Variants in HECTD4 observed in about 807,000 individuals in gnomAD.
HECTD4 encodes probable E3 ubiquitin-protein ligase HECTD4.
Under a neutral mutation model 471.5 loss-of-function variants are expected in HECTD4, and 114 were observed. That is an observed-to-expected ratio of 0.24 (90% CI 0.21 to 0.28). The LOEUF is 0.28. Ranked by LOEUF, HECTD4 falls within the 10% of genes least tolerant of loss-of-function variation. HECTD4 has a pLI of 1.00. For synonymous variants in HECTD4, 2,012 were observed against 2,256.0 expected (o/e 0.89, Z 3.07); for missense variants, 3,866 against 5,651.5 (o/e 0.68, Z 10.13).
In HECTD4 at chr12:112,306,182, A is replaced by G. The variant is rs1378742152; in HGVS notation, c.1217T>C (p.Met406Thr). 6.2e-7 allele frequency: 1 copy of G among 1,604,092 alleles called. No homozygotes were observed. Among genetic ancestry groups the G allele is most frequent in the African/African-American group, 1.3e-5 (1 of 74,740 alleles). The change falls in exon 7 of 76, where the codon ATG (methionine) becomes ACG (threonine). Residue 406 changes from methionine (M) to threonine (T), a missense_variant. By Grantham distance (81) the Met-to-Thr change is moderately conservative (BLOSUM62 -1). This residue lies in a region of HECTD4 where 440 missense variants were observed against 636.0 expected (regional missense o/e 0.69). Coordinates refer to ENST00000682272, the MANE Select transcript of HECTD4 (RefSeq NM_001388303.1). ...ATCTGAAGACAGGTGCACAGTGCTCATGGTGCTGCCAATGGGGAGGTGATT... is the reference window on the plus strand; with the variant it reads ...ATCTGAAGACAGGTGCACAGTGCTCGTGGTGCTGCCAATGGGGAGGTGATT... The part of the protein sequence containing the change: ...PANHLPIGST[M>T]STVHLSSDGT...
chr12:112,377,259 G>T (rs1237924843), intron 1 of HECTD4, among the ~76,000 whole-genome samples: 1 of 151,118 alleles, frequency 6.6e-6, no homozygotes, highest in Non-Finnish European at 1.5e-5. Context: ...ATATAGCAAG[G>T]CCCCAACTCT....
intron 44 of HECTD4, 142 bp from the exon 45 acceptor site, chr12:112,219,631 G>A (rs371865171): frequency 5.5e-6 from 3 of 547,420 alleles, no homozygotes; most frequent in East Asian, 6.5e-5. Context: ...ACAGAGTTTC[G>A]TTCTATTGCC....
At chr12:112,198,767 A>G (rs1174622253) in intron 55 of HECTD4, among the ~76,000 whole-genome samples, 3 of 152,214 alleles carry the variant, frequency 2.0e-5, no homozygotes, top group Non-Finnish European at 4.4e-5. Flanking sequence ...ACAAAACCCT[A>G]TCCTTGTCTA....
chr12:112,324,093 T>C (rs1399396961), intron 1 of HECTD4, among the ~76,000 whole-genome samples: 1 of 92,022 alleles, frequency 1.1e-5, no homozygotes, highest in African/African-American at 6.6e-5. Context: ...TTTCTTTCTT[T>C]CTTTCTTTCC....
intron 62 of HECTD4, among the ~76,000 whole-genome samples, chr12:112,180,701 A>C (rs1434403119): frequency 1.3e-5 from 2 of 152,190 alleles, no homozygotes. Context: ...TCTAAGTATG[A>C]GAAGACTGGG....
intron 4 of HECTD4, among the ~76,000 whole-genome samples, chr12:112,311,420 C>T (rs943492255): frequency 7.4e-5 from 11 of 148,190 alleles, no homozygotes; most frequent in Admixed American, 2.7e-4. Flanking sequence ...GGCAACAAAG[C>T]GAGATCCCCG....
At chr12:112,298,083 C>T (rs1005198784) in intron 7 of HECTD4, among the ~76,000 whole-genome samples, 1 of 152,074 alleles carries the variant, frequency 6.6e-6, no homozygotes, top group Admixed American at 6.6e-5. Context: ...GATGAGGATA[C>T]ATCAAGAGCA....
At chr12:112,347,008 C>T (rs952194087) in intron 1 of HECTD4, among the ~76,000 whole-genome samples, 1 of 152,126 alleles carries the variant, frequency 6.6e-6, no homozygotes, top group East Asian at 1.9e-4. Flanking sequence ...AAAACCTCTG[C>T]ACATCAAACA....
At chr12:112,242,870 T>G (rs1182792404) in intron 32 of HECTD4, among the ~76,000 whole-genome samples, 2 of 152,166 alleles carry the variant, frequency 1.3e-5, no homozygotes, top group African/African-American at 4.8e-5. Flanking sequence ...AAGATCGTGC[T>G]GCTGCACTCC....
intron 9 of HECTD4, among the ~76,000 whole-genome samples, chr12:112,276,508 C>T (rs545112171): frequency 7.2e-5 from 11 of 152,262 alleles, no homozygotes; most frequent in Non-Finnish European, 1.5e-4. Context: ...AGTGCAGTGG[C>T]GCGATCTAGG....
chr12:112,231,132 C>T (rs1395261897), intron 39 of HECTD4: 2 of 448,906 alleles, frequency 4.5e-6, no homozygotes, highest in Non-Finnish European at 8.0e-6. Flanking sequence ...GAACCAACTT[C>T]ACAGAGGCAA....
intron 1 of HECTD4, among the ~76,000 whole-genome samples, chr12:112,340,149 G>A (rs957669729): frequency 6.6e-6 from 1 of 152,124 alleles, no homozygotes; most frequent in Non-Finnish European, 1.5e-5. Flanking sequence ...ATCTGTATAT[G>A]ATATAATTAA....
chr12:112,330,675 G>A (rs2035829714), intron 1 of HECTD4, among the ~76,000 whole-genome samples: 2 of 152,230 alleles, frequency 1.3e-5, no homozygotes, highest in African/African-American at 4.8e-5. Context: ...CCCCAGAGCT[G>A]AGCACAGTGT....
intron 7 of HECTD4, among the ~76,000 whole-genome samples, chr12:112,304,678 TA>T (rs60118511): frequency 5.3e-3 from 712 of 133,204 alleles, no homozygotes; most frequent in East Asian, 0.019. Flanking sequence ...AAAAACCAAT[TA>T]AAAAAAAAAA....
At chr12:112,205,663 C>T (rs1375988323) in intron 52 of HECTD4, among the ~76,000 whole-genome samples, 1 of 151,756 alleles carries the variant, frequency 6.6e-6, no homozygotes, top group Middle Eastern at 3.2e-3. Flanking sequence ...GCAATCTCGG[C>T]TCACTGCAAC....
chr12:112,238,960 C>G (rs747997066), intron 34 of HECTD4, 92 bp downstream of exon 34: 1 of 1,217,042 alleles, frequency 8.2e-7, no homozygotes, highest in African/African-American at 1.5e-5. Context: ...TTAATAGAGG[C>G]TTTCTCTCTT....
At chr12:112,301,582 CT>C (rs1234248014) in intron 7 of HECTD4, among the ~76,000 whole-genome samples, 2 of 152,184 alleles carry the variant, frequency 1.3e-5, no homozygotes, top group Non-Finnish European at 2.9e-5. Flanking sequence ...TCCACCACAT[CT>C]TTTATCTTTT....
At chr12:112,288,187 G>T (rs1054312975) in intron 7 of HECTD4, among the ~76,000 whole-genome samples, 6 of 151,804 alleles carry the variant, frequency 4.0e-5, no homozygotes, top group South Asian at 4.2e-4. Flanking sequence ...AATTAGCTAG[G>T]TGTGGTGGTA....
chr12:112,228,407 A>G lies in HECTD4; in HGVS notation c.6685-149T>C. 7 of 984,666 alleles carry G rather than the reference A, an allele frequency of 7.1e-6. No individual in the cohort carries two copies. Among genetic ancestry groups the G allele is most frequent in the Non-Finnish European group, 9.8e-6 (7 of 713,336 alleles). The allele number at this position is 984,666 out of a possible 1,614,324, so 61.0% of individuals were successfully genotyped here. ...ACAGAAAACTACAAACCACATCAAA[A>G]CAATTAAAAATACATTGTAGAAGAG... On this transcript the variant is annotated intron_variant, in intron 42 of 75. Coordinates refer to ENST00000682272, the MANE Select transcript of HECTD4 (RefSeq NM_001388303.1). The surrounding 1 kb of genome is among the most constrained non-coding windows in gnomAD (Gnocchi z 4.9).
Sources: gnomAD v4.1 joint callset for allele counts (sites outside exome capture counted in the v4.1 genomes callset) on GRCh38, gnomAD v4.1.1 for gene constraint, gnomAD v4.1.1 regional missense constraint, Gnocchi (gnomAD v3.1) non-coding constraint, MANE v1.5 for transcripts, NCBI Gene and HGNC (gene_info 2026-07-23, HGNC 2026-07-21) for gene names.